The following LRMDA variants were observed in gnomAD, a reference collection of about 807,000 sequenced individuals.
LRMDA encodes leucine rich melanocyte differentiation associated, also known as leucine-rich melanocyte differentiation-associated protein.
In LRMDA, 18 loss-of-function variants were observed where a neutral mutation model predicts 29.8. The ratio of observed to expected loss-of-function variants is 0.60; its 90% confidence interval spans 0.42 to 0.90. The LOEUF (loss-of-function observed/expected upper bound fraction) is 0.90. LRMDA is among the 40% of genes least tolerant of loss of function. The pLI, the probability that LRMDA is intolerant of heterozygous loss-of-function variation, is 0.00. For missense variants in LRMDA, 273 were observed against 273.9 expected (o/e 1.00, Z 0.02); for synonymous variants, 125 against 109.4 (o/e 1.14, Z -0.89).
intron 2 of LRMDA, among the ~76,000 whole-genome samples, chr10:75,512,991 T>C (rs1845243493): frequency 6.6e-6 from 1 of 152,196 alleles, no homozygotes; most frequent in South Asian, 2.1e-4. Context: ...AAAGGGGGTT[T>C]TCTCGGTTTG....
At chr10:76,358,249 C>T (rs201985116) in intron 6 of LRMDA, among the ~76,000 whole-genome samples, 4 of 152,132 alleles carry the variant, frequency 2.6e-5, no homozygotes, top group South Asian at 4.1e-4. Flanking sequence ...GGCAATGGAA[C>T]GTTCATTCAC....
At chr10:75,579,984 C>T (rs55902151) in intron 2 of LRMDA, among the ~76,000 whole-genome samples, 9 of 152,238 alleles carry the variant, frequency 5.9e-5, no homozygotes, top group Middle Eastern at 3.4e-3. Context: ...GGGCAAAAGC[C>T]GCAAGCATTC....
chr10:75,477,644 T>C (rs1844812010), intron 2 of LRMDA, among the ~76,000 whole-genome samples: 3 of 152,212 alleles, frequency 2.0e-5, no homozygotes, highest in Admixed American at 2.0e-4. Context: ...GAAGGCTGGA[T>C]TTTTGCTTCC....
intron 2 of LRMDA, among the ~76,000 whole-genome samples, chr10:75,618,327 C>T (rs1455874008): frequency 6.8e-6 from 1 of 148,098 alleles, no homozygotes; most frequent in Non-Finnish European, 1.5e-5. Flanking sequence ...ATAGTAAGCA[C>T]CTATCCTTAT....
At chr10:76,410,658 A>G (rs1841950768) in intron 6 of LRMDA, among the ~76,000 whole-genome samples, 1 of 152,020 alleles carries the variant, frequency 6.6e-6, no homozygotes. Context: ...ACATTGGCTT[A>G]TTACAAAGAT....
At chr10:75,763,507 C>A (rs1332427792) in intron 2 of LRMDA, among the ~76,000 whole-genome samples, 1 of 152,146 alleles carries the variant, frequency 6.6e-6, no homozygotes, top group African/African-American at 2.4e-5. Context: ...CATCACAAGC[C>A]TTCAAGGAGT....
At chr10:75,692,564 C>CGTGTGTGTGTGTGT (rs10553888) in intron 2 of LRMDA, among the ~76,000 whole-genome samples, 4 of 140,180 alleles carry the variant, frequency 2.9e-5, no homozygotes, top group Non-Finnish European at 6.3e-5. Flanking sequence ...CATATGTATA[C>CGTGTGTGTGTGTGT]GTGTGTGTGT....
chr10:76,109,272 T>A (rs1849536958), intron 5 of LRMDA, among the ~76,000 whole-genome samples: 6 of 152,206 alleles, frequency 3.9e-5, no homozygotes, highest in Admixed American at 3.9e-4. Flanking sequence ...AAGGCCTCCA[T>A]CCTTGTTGGG....
At position 76,253,656 on chromosome 10, in the gene LRMDA, G is replaced by A. The variant is rs138384330; in HGVS notation, c.517-70745G>A. Among the ~76,000 whole-genome samples, 430 of 152,096 alleles carry A rather than the reference G, an allele frequency of 2.8e-3. 19 individuals are homozygous for A. In the East Asian group the frequency reaches 0.062, roughly 22 times the overall value. ...TTTAACATAATTTTTTACAATTTTA[G>A]TGTCATTATTTTTAGAATCTTCTGT... On this transcript the variant is annotated intron_variant, in intron 5 of 6. Transcript: ENST00000611255.
chr10:75,558,141 T>C (rs3001916), intron 2 of LRMDA, among the ~76,000 whole-genome samples: 13,652 of 151,422 alleles, frequency 0.09, 829 homozygotes, highest in East Asian at 0.3. Context: ...AATTAGGTGA[T>C]TGTCAGTGGT....
chr10:76,152,047 C>T (rs1850455117), intron 5 of LRMDA, among the ~76,000 whole-genome samples: 4 of 152,250 alleles, frequency 2.6e-5, no homozygotes, highest in Admixed American at 1.3e-4. Flanking sequence ...TAAAATTCTT[C>T]GTTTTTAAGT....
chr10:76,556,397 G>A (rs1394038250), intron 6 of LRMDA: 1 of 152,106 alleles, frequency 6.6e-6, no homozygotes, highest in Non-Finnish European at 1.5e-5. Context: ...TGTCGCCCAG[G>A]CTGGAGTGCA....
intron 2 of LRMDA, among the ~76,000 whole-genome samples, chr10:75,851,291 A>T (rs1844728901): frequency 6.6e-6 from 1 of 152,222 alleles, no homozygotes; most frequent in Admixed American, 6.5e-5. Flanking sequence ...TTAAAGAACT[A>T]GATTAGTCCT....
intron 2 of LRMDA, among the ~76,000 whole-genome samples, chr10:75,507,406 G>A (rs566646013): frequency 6.6e-6 from 1 of 152,268 alleles, no homozygotes; most frequent in South Asian, 2.1e-4. Context: ...TCATGAATTA[G>A]CTGAGTTTTC....
chr10:76,152,712 C>T (rs1462423818), intron 5 of LRMDA, among the ~76,000 whole-genome samples: 1 of 152,120 alleles, frequency 6.6e-6, no homozygotes, highest in Non-Finnish European at 1.5e-5. Context: ...TTACAGTGAT[C>T]CTGTGGGTGT....
intron 5 of LRMDA, among the ~76,000 whole-genome samples, chr10:76,270,953 A>G (rs562773143): frequency 1.3e-5 from 2 of 152,212 alleles, no homozygotes; most frequent in Non-Finnish European, 2.9e-5. Flanking sequence ...ACCATCAATA[A>G]CAATTATTAT....
In LRMDA at chr10:76,501,212, T is replaced by C. The variant is rs1189153547; in HGVS notation, c.602-55997T>C. 4.2e-4 allele frequency among the ~76,000 whole-genome samples: 9 copies of C among 21,498 alleles called. 4 individuals are homozygous for C. Among genetic ancestry groups the C allele is most frequent in the Non-Finnish European group, 3.4e-3 (9 of 2,672 alleles). 14.1% of individuals were successfully genotyped at this position (21,498 alleles called of 152,430 possible). The stretch of plus-strand genomic sequence containing the variant: ...GTTGCTGCAAATGACATTTCATTAT[T>C]TGTATAGCTGTGCAGCATTCTAAGG... On this transcript the variant is annotated intron_variant, in intron 6 of 6. Coordinates refer to ENST00000611255, the MANE Select transcript of LRMDA (RefSeq NM_001305581.2).
chr10:76,220,928 C>G (rs1388830284), intron 5 of LRMDA, among the ~76,000 whole-genome samples: 2 of 152,006 alleles, frequency 1.3e-5, no homozygotes, highest in Non-Finnish European at 2.9e-5. Flanking sequence ...CCACCATGAT[C>G]AAGTGGGCTT....
chr10:76,301,546 A>G (rs1231264532), intron 5 of LRMDA, among the ~76,000 whole-genome samples: 1 of 152,194 alleles, frequency 6.6e-6, no homozygotes, highest in Non-Finnish European at 1.5e-5. Context: ...TTGCCAAAGT[A>G]TATTTATGAA....
Sources: allele counts gnomAD v4.1 joint callset (sites outside exome capture counted in the v4.1 genomes callset), GRCh38; gene constraint gnomAD v4.1.1; transcripts MANE v1.5; gene names NCBI Gene and HGNC (gene_info 2026-07-23, HGNC 2026-07-21).